HNF4G: variants seen among roughly 807,000 people sequenced by gnomAD.
The protein encoded by HNF4G is hepatocyte nuclear factor 4 gamma.
Under a neutral mutation model 50.9 loss-of-function variants are expected in HNF4G, and 21 were observed. The ratio of observed to expected loss-of-function variants is 0.41; its 90% confidence interval spans 0.29 to 0.59. The LOEUF (loss-of-function observed/expected upper bound fraction) is 0.59. Among genes scored for constraint, HNF4G ranks in the 20% least tolerant of loss-of-function variants. HNF4G has a pLI of 0.26. For missense variants in HNF4G, 527 were observed against 559.4 expected (o/e 0.94, Z 0.58); for synonymous variants, 198 against 185.6 (o/e 1.07, Z -0.54).
chr8:75,529,487 G>A (rs1585926232), intron 2 of HNF4G, among the ~76,000 whole-genome samples: 3 of 152,182 alleles, frequency 2.0e-5, no homozygotes, highest in Admixed American at 2.0e-4. Flanking sequence ...TTTATTCTTT[G>A]ACTTTCTAGA....
intron 1 of HNF4G, among the ~76,000 whole-genome samples, chr8:75,449,471 A>G (rs1811522747): frequency 6.6e-6 from 1 of 151,256 alleles, no homozygotes; most frequent in Non-Finnish European, 1.5e-5. Context: ...AAGCTACTTC[A>G]TATATGCATT....
intron 2 of HNF4G, among the ~76,000 whole-genome samples, chr8:75,497,795 T>C (rs1372653637): frequency 3.9e-5 from 6 of 152,156 alleles, no homozygotes; most frequent in African/African-American, 1.4e-4. Flanking sequence ...ATTCTTATGC[T>C]ATAATATGGT....
intron 1 of HNF4G, among the ~76,000 whole-genome samples, chr8:75,413,863 T>TA (rs1810564098): frequency 1.4e-5 from 2 of 139,948 alleles, no homozygotes; most frequent in Non-Finnish European, 3.2e-5. Flanking sequence ...TCTAAAAGAT[T>TA]TAAAAAAAAA....
intron 1 of HNF4G, among the ~76,000 whole-genome samples, chr8:75,416,718 A>G (rs1585823200): frequency 6.6e-6 from 1 of 152,152 alleles, no homozygotes; most frequent in Admixed American, 6.5e-5. Flanking sequence ...TTCGCATGGG[A>G]CCTGCCATTT....
intron 1 of HNF4G, among the ~76,000 whole-genome samples, chr8:75,412,647 C>T (rs924292195): frequency 1.3e-5 from 2 of 151,916 alleles, no homozygotes; most frequent in Non-Finnish European, 2.9e-5. Flanking sequence ...TCTTTGTTCC[C>T]GTGGGCTTAT....
chr8:75,540,174 T>C (rs2130782678), intron 1 of HNF4G, 94 bp downstream of exon 1: 1 of 730,356 alleles, frequency 1.4e-6, no homozygotes, highest in East Asian at 2.6e-5. Context: ...TCAATGTTTT[T>C]TTTGCTGGAG....
intron 2 of HNF4G, among the ~76,000 whole-genome samples, chr8:75,509,326 T>A (rs945247349): frequency 1.3e-5 from 2 of 152,118 alleles, no homozygotes; most frequent in African/African-American, 4.8e-5. Flanking sequence ...AGTCAAAGAT[T>A]CATATTTGGT....
intron 2 of HNF4G, among the ~76,000 whole-genome samples, chr8:75,533,636 AT>A (rs1460380562): frequency 6.6e-6 from 1 of 151,898 alleles, no homozygotes; most frequent in Non-Finnish European, 1.5e-5. Context: ...TCCTTATGGT[AT>A]TTTTGAGAAA....
chr8:75,437,458 C>T (rs1811164672), intron 1 of HNF4G, among the ~76,000 whole-genome samples: 1 of 152,170 alleles, frequency 6.6e-6, no homozygotes, highest in Non-Finnish European at 1.5e-5. Flanking sequence ...AGCTATAACA[C>T]TGAGAAAGCA....
intron 1 of HNF4G, among the ~76,000 whole-genome samples, chr8:75,458,188 C>G (rs531607611): frequency 6.6e-6 from 1 of 151,958 alleles, no homozygotes; most frequent in South Asian, 2.1e-4. Flanking sequence ...AAAGTAGCTG[C>G]TCCTATTGTA....
chr8:75,453,285 TGCACCAATCAGTGCTCTGTAAAAAC>T (rs1374809946), intron 1 of HNF4G, among the ~76,000 whole-genome samples: 2 of 152,198 alleles, frequency 1.3e-5, no homozygotes, highest in African/African-American at 4.8e-5. Context: ...GTTTGTAAAA[TGCACCAATCAGTGCTCTGTAAAAAC>T]GCACCAGTCA....
chr8:75,536,274 T>G (rs1335471846), upstream of HNF4G, among the ~76,000 whole-genome samples: 1 of 152,028 alleles, frequency 6.6e-6, no homozygotes, highest in Non-Finnish European at 1.5e-5. Context: ...CTACTTATTA[T>G]AAATTACTGT....
intron 2 of HNF4G, 68 bp from the exon 3 acceptor site, chr8:75,547,519 T>G: frequency 9.1e-7 from 1 of 1,094,956 alleles, no homozygotes; most frequent in Non-Finnish European, 1.4e-6. Context: ...TTAAAATCCA[T>G]TTGTCTGTTT....
At chr8:75,416,510 G>A (rs186070187) in intron 1 of HNF4G, among the ~76,000 whole-genome samples, 14 of 152,188 alleles carry the variant, frequency 9.2e-5, no homozygotes, top group African/African-American at 3.4e-4. Context: ...GAGAGAAACT[G>A]AAGTCTACTT....
intron 2 of HNF4G, among the ~76,000 whole-genome samples, chr8:75,500,632 A>G (rs1454440521): frequency 2.0e-5 from 3 of 152,188 alleles, no homozygotes; most frequent in African/African-American, 7.2e-5. Flanking sequence ...ATCAGCTAAC[A>G]TATGGATAAG....
chr8:75,550,037 G>A (rs1400029553), intron 3 of HNF4G, among the ~76,000 whole-genome samples: 2 of 152,084 alleles, frequency 1.3e-5, no homozygotes, highest in Non-Finnish European at 2.9e-5. Flanking sequence ...AAAGCAAAAA[G>A]TCCTGTAATT....
At chr8:75,528,207 T>A (rs937648566) in intron 2 of HNF4G, among the ~76,000 whole-genome samples, 2 of 152,172 alleles carry the variant, frequency 1.3e-5, no homozygotes, top group Non-Finnish European at 2.9e-5. Context: ...CATGTCTTGG[T>A]ACTAGTGGCA....
At chr8:75,524,500 T>C (rs946831502) in intron 2 of HNF4G, among the ~76,000 whole-genome samples, 1 of 152,238 alleles carries the variant, frequency 6.6e-6, no homozygotes, top group Admixed American at 6.5e-5. Flanking sequence ...ACCTACTTTA[T>C]GTATTTATGT....
In HNF4G at chr8:75,489,373, A is replaced by G. The variant is rs1024630109; in HGVS notation, c.-143-716A>G. ...TAACACTAAACAGTAATTGATGTTT[A>G]TAATAATGGAATTATTAATGCTGGA... On this transcript the variant is annotated intron_variant, in intron 1 of 10. Transcript: ENST00000354370. Among the ~76,000 whole-genome samples, 5 of 152,242 alleles carry G rather than the reference A, an allele frequency of 3.3e-5. No homozygotes were observed. The East Asian group carries it at 7.7e-4, about 23-fold the overall frequency.
Sources: allele counts gnomAD v4.1 joint callset (sites outside exome capture counted in the v4.1 genomes callset), GRCh38; gene constraint gnomAD v4.1.1; transcripts MANE v1.5; gene names NCBI Gene and HGNC (gene_info 2026-07-23, HGNC 2026-07-21).